Variants in FRMD3 observed in about 807,000 individuals in gnomAD.
The protein encoded by FRMD3 is FERM domain containing 3.
FRMD3 carries 33 observed loss-of-function variants against 70.2 expected under a neutral mutation model. The ratio of observed to expected loss-of-function variants is 0.47; its 90% CI spans 0.36 to 0.63. The LOEUF (loss-of-function observed/expected upper bound fraction) is 0.63, where lower values mean the gene tolerates loss of function less well. FRMD3 is among the 20% of genes least tolerant of loss of function. FRMD3 has a pLI of 0.00. For synonymous variants in FRMD3, 279 were observed against 255.9 expected (o/e 1.09, Z -0.86); for missense variants, 632 against 711.4 (o/e 0.89, Z 1.27).
intron 1 of FRMD3, among the ~76,000 whole-genome samples, chr9:83,466,176 A>T (rs912788993): frequency 1.3e-5 from 2 of 152,226 alleles, no homozygotes; most frequent in Admixed American, 1.3e-4. Flanking sequence ...TCTGGCCCCT[A>T]GTAGCCTTCC....
chr9:83,372,357 A>AAG (rs1449270441), intron 3 of FRMD3, among the ~76,000 whole-genome samples: 2 of 123,176 alleles, frequency 1.6e-5, no homozygotes, highest in South Asian at 2.5e-4. Flanking sequence ...ACTGGTTAAA[A>AAG]AGAGAGAGAG....
At chr9:83,421,089 C>T (rs1220423964) in intron 1 of FRMD3, among the ~76,000 whole-genome samples, 5 of 151,342 alleles carry the variant, frequency 3.3e-5, no homozygotes, top group Non-Finnish European at 2.9e-5. Flanking sequence ...TACAGGCGCC[C>T]GCCACCACGC....
At chr9:83,478,645 A>G (rs5014090) in intron 1 of FRMD3, among the ~76,000 whole-genome samples, 65,280 of 151,798 alleles carry the variant, frequency 0.43, 14,143 homozygotes, top group Middle Eastern at 0.46. Context: ...ATCCCACTTC[A>G]GGGTATATGC....
intron 5 of FRMD3, among the ~76,000 whole-genome samples, chr9:83,340,814 T>C (rs1286459316): frequency 6.6e-6 from 1 of 152,152 alleles, no homozygotes; most frequent in Non-Finnish European, 1.5e-5. Flanking sequence ...CAGGCTAGTA[T>C]CAAACTCCTG....
intron 1 of FRMD3, among the ~76,000 whole-genome samples, chr9:83,415,566 C>T (rs142701526): frequency 0.03 from 4,457 of 150,286 alleles, 82 homozygotes; most frequent in Non-Finnish European, 0.039. Flanking sequence ...CTTCAGCCTC[C>T]AGAGTAGCTG....
At chr9:83,477,241 T>C (rs1828422249) in intron 1 of FRMD3, among the ~76,000 whole-genome samples, 1 of 152,154 alleles carries the variant, frequency 6.6e-6, no homozygotes, top group Non-Finnish European at 1.5e-5. Flanking sequence ...TTTTGACAAC[T>C]AGGCCAAGAA....
intron 3 of FRMD3, among the ~76,000 whole-genome samples, chr9:83,368,828 A>G (rs1185375310): frequency 6.6e-6 from 1 of 152,134 alleles, no homozygotes; most frequent in South Asian, 2.1e-4. Context: ...TTTAAAATGT[A>G]TATATCTTTA....
At chr9:83,424,772 T>C (rs11140078) in intron 1 of FRMD3, among the ~76,000 whole-genome samples, 41,831 of 152,116 alleles carry the variant, frequency 0.27, 6,618 homozygotes, top group African/African-American at 0.42. Context: ...GTACATAACC[T>C]AACATTTCCA....
At chr9:83,299,352 G>T (rs1214621944) in intron 10 of FRMD3, among the ~76,000 whole-genome samples, 166 bp from the exon 11 acceptor site, 1 of 152,192 alleles carries the variant, frequency 6.6e-6, no homozygotes, top group Non-Finnish European at 1.5e-5. Context: ...CTTCACAAAA[G>T]AATAGTTACT....
At chr9:83,316,790 G>T (rs1191000817) in intron 6 of FRMD3, among the ~76,000 whole-genome samples, 2 of 152,092 alleles carry the variant, frequency 1.3e-5, no homozygotes, top group Non-Finnish European at 2.9e-5. Flanking sequence ...ATATTGACAG[G>T]GATGGGAAAA....
At chr9:83,283,590 T>C (rs1185546487) in intron 13 of FRMD3, among the ~76,000 whole-genome samples, 2 of 151,252 alleles carry the variant, frequency 1.3e-5, no homozygotes. Context: ...ATAGTTGTGA[T>C]AATTCTGAAT....
intron 1 of FRMD3, among the ~76,000 whole-genome samples, chr9:83,450,433 G>C (rs1231805136): frequency 6.9e-6 from 1 of 144,830 alleles, no homozygotes; most frequent in Admixed American, 7.1e-5. Context: ...ATGTATACAT[G>C]TGCCATGCTG....
chr9:83,540,465 A>G (rs1829987224), upstream of FRMD3, among the ~76,000 whole-genome samples: 1 of 152,242 alleles, frequency 6.6e-6, no homozygotes, highest in Non-Finnish European at 1.5e-5. Flanking sequence ...AATTTTGAAG[A>G]AATGAGAAGA....
chr9:83,370,749 T>G (rs1368961419), intron 3 of FRMD3, among the ~76,000 whole-genome samples: 1 of 152,092 alleles, frequency 6.6e-6, no homozygotes, highest in East Asian at 1.9e-4. Flanking sequence ...CGGTCTCTAC[T>G]AAAAATACAA....
chr9:83,252,791 A>G (rs939127037), intron 13 of FRMD3, among the ~76,000 whole-genome samples: 2 of 152,214 alleles, frequency 1.3e-5, no homozygotes, highest in African/African-American at 4.8e-5. Flanking sequence ...ACATAATGAT[A>G]GAGTTCAACA....
intron 1 of FRMD3, among the ~76,000 whole-genome samples, chr9:83,522,755 G>C (rs1426808884): frequency 6.6e-6 from 1 of 151,836 alleles, no homozygotes; most frequent in Admixed American, 6.6e-5. Flanking sequence ...AGTAGAGACG[G>C]GGTTTCACGG....
At chr9:83,328,566 T>C (rs1836114930) in intron 6 of FRMD3, among the ~76,000 whole-genome samples, 1 of 152,248 alleles carries the variant, frequency 6.6e-6, no homozygotes, top group South Asian at 2.1e-4. Context: ...TAGTCAAAAC[T>C]GTCTTTGACT....
chr9:83,362,749 C>A (rs1435393366), intron 3 of FRMD3, among the ~76,000 whole-genome samples: 1 of 149,738 alleles, frequency 6.7e-6, no homozygotes, highest in Non-Finnish European at 1.5e-5. Context: ...CCTTCCTTCT[C>A]TCCTTCCTTC....
At chr9:83,345,815 G>C (rs1000340687) in intron 4 of FRMD3, among the ~76,000 whole-genome samples, 1 of 151,972 alleles carries the variant, frequency 6.6e-6, no homozygotes, top group Non-Finnish European at 1.5e-5. Context: ...GGATGCTGTG[G>C]TGCAGCTCCA....
Sources: gnomAD v4.1 joint callset for allele counts (sites outside exome capture counted in the v4.1 genomes callset) on GRCh38, gnomAD v4.1.1 for gene constraint, MANE v1.5 for transcripts, NCBI Gene and HGNC (gene_info 2026-07-23, HGNC 2026-07-21) for gene names.